Variants in ZBTB20 observed in about 807,000 individuals in gnomAD.
ZBTB20 encodes zinc finger and BTB domain-containing protein 20.
ZBTB20 carries 9 observed loss-of-function variants against 56.9 expected under a neutral mutation model. The observed-to-expected ratio is 0.16, with a 90% CI of 0.10 to 0.28. ZBTB20 has a LOEUF of 0.28. ZBTB20 is among the 10% of genes least tolerant of loss of function. The pLI, the probability that ZBTB20 is intolerant of heterozygous loss-of-function variation, is 1.00. For missense variants in ZBTB20, 655 were observed against 1,003.0 expected (o/e 0.65, Z 4.69); for synonymous variants, 417 against 420.7 (o/e 0.99, Z 0.11).
chr3:114,350,923 G>A lies in ZBTB20; in HGVS notation c.1155C>T (p.Thr385=), dbSNP rs2080612149. 2 of 1,605,898 alleles carry A rather than the reference G, an allele frequency of 1.2e-6. No individual in the cohort carries two copies. The highest frequency in any genetic ancestry group is 1.7e-5 in the Admixed American group (1 of 59,972). Residue 385 remains threonine, a synonymous_variant, in exon 11 of 12, where the codon ACC becomes ACT. Coordinates refer to ENST00000675478, the MANE Select transcript of ZBTB20 (RefSeq NM_001348800.3). ...ACTGCTGCTCCACCGAGTCAGGCTC[G>A]GTGCCTATGGAGGAGCTGACGCCCG... The part of the protein sequence containing the change: ...FDSGVSSSIG[T]EPDSVEQQFG...
intron 1 of ZBTB20, chr3:115,100,412 AAGAG>A (rs2083547713): frequency 6.6e-6 from 1 of 151,670 alleles, no homozygotes; most frequent in Non-Finnish European, 1.5e-5. Flanking sequence ...GCAAGCGAGT[AAGAG>A]AGAGAGAAGA....
intron 4 of ZBTB20, among the ~76,000 whole-genome samples, chr3:114,811,689 G>C (rs1475188319): frequency 3.9e-5 from 6 of 152,180 alleles, no homozygotes; most frequent in East Asian, 1.9e-4. Flanking sequence ...TCATTAAAGT[G>C]TCATAACCTT....
chr3:114,999,881 A>T (rs2108207146), intron 2 of ZBTB20, among the ~76,000 whole-genome samples: 1 of 151,846 alleles, frequency 6.6e-6, no homozygotes, highest in Middle Eastern at 3.4e-3. Flanking sequence ...AACAATTCTC[A>T]ATGATAACTG....
chr3:114,992,204 T>G (rs1239350056), intron 2 of ZBTB20, among the ~76,000 whole-genome samples: 1 of 151,988 alleles, frequency 6.6e-6, no homozygotes, highest in African/African-American at 2.4e-5. Context: ...ATATGATTAT[T>G]GATGTGAAAG....
intron 2 of ZBTB20, among the ~76,000 whole-genome samples, chr3:115,035,810 G>A (rs1416723182): frequency 1.3e-5 from 2 of 152,110 alleles, no homozygotes; most frequent in African/African-American, 4.8e-5. Flanking sequence ...CTAAAATATG[G>A]AAGCAATTCA....
At chr3:114,859,869 T>C (rs2075433824) in intron 4 of ZBTB20, among the ~76,000 whole-genome samples, 2 of 152,182 alleles carry the variant, frequency 1.3e-5, no homozygotes, top group African/African-American at 4.8e-5. Context: ...ATTCTATATA[T>C]ATAGGTTGAA....
chr3:114,684,863 G>A (rs560509306), intron 6 of ZBTB20, among the ~76,000 whole-genome samples: 36 of 152,156 alleles, frequency 2.4e-4, no homozygotes, highest in African/African-American at 8.7e-4. Context: ...GACAATGAGT[G>A]GGCAGGCCTT....
chr3:114,981,902 G>A (rs2078344866), intron 2 of ZBTB20, among the ~76,000 whole-genome samples: 3 of 151,926 alleles, frequency 2.0e-5, no homozygotes, highest in Admixed American at 6.6e-5. Flanking sequence ...TTTAACACAA[G>A]TCTACTTCTT....
intron 7 of ZBTB20, among the ~76,000 whole-genome samples, chr3:114,488,238 G>C (rs759977697): frequency 6.6e-6 from 1 of 152,216 alleles, no homozygotes; most frequent in Admixed American, 6.5e-5. Flanking sequence ...CAGAGCTTGA[G>C]GTGGCCTTGG....
intron 5 of ZBTB20, among the ~76,000 whole-genome samples, chr3:114,788,771 G>A (rs895978118): frequency 2.0e-4 from 31 of 152,120 alleles, no homozygotes; most frequent in Admixed American, 1.2e-3. Flanking sequence ...CCAAGACTGG[G>A]TAATTATTTA....
intron 2 of ZBTB20, among the ~76,000 whole-genome samples, chr3:115,048,848 GTATTTATT>G (rs2081433127): frequency 6.6e-6 from 1 of 151,950 alleles, no homozygotes; most frequent in South Asian, 2.1e-4. Flanking sequence ...ATATAAAAGA[GTATTTATT>G]AAAGACTTCT....
chr3:114,906,908 C>T (rs1362617321), intron 3 of ZBTB20, among the ~76,000 whole-genome samples: 1 of 151,696 alleles, frequency 6.6e-6, no homozygotes, highest in African/African-American at 2.4e-5. Context: ...CAACATGATA[C>T]AAAAACTGCC....
At chr3:114,557,660 T>C (rs1440873356) in intron 6 of ZBTB20, among the ~76,000 whole-genome samples, 1 of 151,944 alleles carries the variant, frequency 6.6e-6, no homozygotes, top group Non-Finnish European at 1.5e-5. Context: ...AGCTATAACC[T>C]ATAGTCTTAT....
chr3:114,336,990 T>C lies in ZBTB20; in HGVS notation c.*2015A>G, dbSNP rs1317668071. 2 of 152,208 alleles carry C rather than the reference T, an allele frequency of 1.3e-5. No homozygotes were observed. Among genetic ancestry groups the C allele is most frequent in the Non-Finnish European group, 2.9e-5 (2 of 68,018 alleles). The allele number at this position is 152,208 out of a possible 1,614,324, so 9.4% of individuals were successfully genotyped here. On this transcript the variant is annotated 3_prime_UTR_variant, in exon 12 of 12. Coordinates refer to ENST00000675478, the MANE Select transcript of ZBTB20 (RefSeq NM_001348800.3). ...ACACTGTCTATAATGAAAATGTCTC[T>C]ATTATAACACCTTGATCAGGACCGA... is the stretch of plus-strand genomic sequence containing the variant.
intron 4 of ZBTB20, among the ~76,000 whole-genome samples, chr3:114,819,640 AAAAT>A (rs1317501993): frequency 6.6e-6 from 1 of 151,952 alleles, no homozygotes; most frequent in Non-Finnish European, 1.5e-5. Flanking sequence ...ATAACATGCT[AAAAT>A]AAATTCTGGG....
intron 6 of ZBTB20, among the ~76,000 whole-genome samples, chr3:114,622,413 T>C (rs553665259): frequency 3.9e-5 from 6 of 152,294 alleles, no homozygotes; most frequent in African/African-American, 1.4e-4. Flanking sequence ...AACTTTACTA[T>C]TAATATAACA....
At chr3:114,655,153 T>G (rs1305148041) in intron 6 of ZBTB20, among the ~76,000 whole-genome samples, 1 of 152,052 alleles carries the variant, frequency 6.6e-6, no homozygotes, top group Admixed American at 6.6e-5. Flanking sequence ...ATTGCTACAA[T>G]TAAGTTTAGG....
Position 114,809,461 on chromosome 3 carries a change from T to C in ZBTB20, c.-416-8287A>G, listed in dbSNP as rs192969622. 2.6e-3 allele frequency among the ~76,000 whole-genome samples: 390 copies of C among 152,230 alleles called. 6 individuals carry two copies. Among genetic ancestry groups the C allele is most frequent in the Admixed American group, 0.023 (349 of 15,290 alleles). Reference sequence around the variant, plus strand: ...TCTTAAATATTCTGTTGAGATTCTCTTGCAATTTTTTAATTTCCATTATAA... The same window carrying C: ...TCTTAAATATTCTGTTGAGATTCTCCTGCAATTTTTTAATTTCCATTATAA... On this transcript the variant is annotated intron_variant, in intron 4 of 11. Coordinates refer to ENST00000675478, the MANE Select transcript of ZBTB20 (RefSeq NM_001348800.3).
chr3:114,767,989 T>G (rs1219505079), intron 5 of ZBTB20, among the ~76,000 whole-genome samples: 1 of 152,100 alleles, frequency 6.6e-6, no homozygotes, highest in East Asian at 1.9e-4. Flanking sequence ...AAATATAAAG[T>G]ATATTTGCAT....
Sources: allele counts gnomAD v4.1 joint callset (sites outside exome capture counted in the v4.1 genomes callset), GRCh38; gene constraint gnomAD v4.1.1; transcripts MANE v1.5; gene names NCBI Gene and HGNC (gene_info 2026-07-23, HGNC 2026-07-21).